The following WASHC2C variants were observed in gnomAD, a reference collection of about 807,000 sequenced individuals.
WASHC2C encodes the protein Vaccinia Penetration Factor.
WASHC2C carries 73 observed loss-of-function variants against 142.2 expected under a neutral mutation model. The ratio of observed to expected loss-of-function variants is 0.51; its 90% CI spans 0.43 to 0.62. WASHC2C has a LOEUF of 0.62. Ranked by LOEUF, WASHC2C falls within the 20% of genes least tolerant of loss-of-function variation. The pLI, the probability that WASHC2C is intolerant of heterozygous loss-of-function variation, is 0.00. For missense variants in WASHC2C, 969 were observed against 1,531.7 expected, an observed-to-expected ratio of 0.63 and a Z score of 6.13; for synonymous variants, 337 against 565.5, an observed-to-expected ratio of 0.60 and a Z score of 5.73.
At chr10:45,734,359 CTGTGTGTGTG>C (rs139735516) in intron 3 of WASHC2C, among the ~76,000 whole-genome samples, 3 of 148,156 alleles carry the variant, frequency 2.0e-5, no homozygotes, top group African/African-American at 7.5e-5. Flanking sequence ...TTCTAGATGA[CTGTGTGTGTG>C]TGTGTGTGTG....
At chr10:45,754,029 A>G (rs2053934901) in intron 13 of WASHC2C, among the ~76,000 whole-genome samples, 1 of 151,752 alleles carries the variant, frequency 6.6e-6, no homozygotes, top group South Asian at 2.1e-4. Flanking sequence ...ATGTTTTGGC[A>G]TCAGTGACTT....
chr10:45,731,736 T>A (rs541754714), intron 3 of WASHC2C, among the ~76,000 whole-genome samples: 15 of 152,146 alleles, frequency 9.9e-5, no homozygotes, highest in African/African-American at 3.4e-4. Context: ...AAACAGCTAA[T>A]GCATAATAAA....
At chr10:45,751,826 A>C (rs1223209052) in intron 11 of WASHC2C, among the ~76,000 whole-genome samples, 1 of 152,000 alleles carries the variant, frequency 6.6e-6, no homozygotes, top group Non-Finnish European at 1.5e-5. Flanking sequence ...AAATACAAAA[A>C]ATTAGCTTGG....
chr10:45,768,371 A>G (rs1290121903), intron 19 of WASHC2C, among the ~76,000 whole-genome samples: 5 of 152,068 alleles, frequency 3.3e-5, no homozygotes, highest in African/African-American at 1.2e-4. Context: ...AGTGGATTTC[A>G]GCGTTTAGTC....
intron 24 of WASHC2C, 50 bp from the exon 25 acceptor site, chr10:45,784,771 T>A: frequency 6.3e-7 from 1 of 1,594,770 alleles, no homozygotes; most frequent in Non-Finnish European, 8.6e-7. Context: ...TAGTTCTCTT[T>A]GTAAATTGTT....
intron 21 of WASHC2C, among the ~76,000 whole-genome samples, chr10:45,773,915 A>G (rs1264462995): frequency 4.8e-5 from 7 of 144,654 alleles, no homozygotes; most frequent in East Asian, 2.0e-4. Flanking sequence ...AAAAAAAAAA[A>G]GCGTAAACAC....
intron 20 of WASHC2C, among the ~76,000 whole-genome samples, chr10:45,771,258 G>A (rs535791314): frequency 2.0e-5 from 3 of 151,046 alleles, no homozygotes; most frequent in Admixed American, 6.6e-5. Context: ...CCAGCTACTC[G>A]GGAGGCTGAG....
chr10:45,757,165 A>C, intron 16 of WASHC2C, 26 bp downstream of exon 16: 1 of 1,610,822 alleles, frequency 6.2e-7, no homozygotes, highest in Non-Finnish European at 8.5e-7. Flanking sequence ...GACTTAACGC[A>C]GGAGCATTGA....
intron 23 of WASHC2C, among the ~76,000 whole-genome samples, chr10:45,784,309 T>TATATAC (rs2057854621): frequency 2.8e-5 from 2 of 70,614 alleles, no homozygotes; most frequent in Non-Finnish European, 5.5e-5. Context: ...TATATATATA[T>TATATAC]ATACACACAC....
chr10:45,780,685 A>G (rs1177782702), intron 23 of WASHC2C, among the ~76,000 whole-genome samples: 3 of 152,176 alleles, frequency 2.0e-5, no homozygotes, highest in Admixed American at 6.6e-5. Context: ...AATATGTGAA[A>G]ACCAATTGTA....
In WASHC2C at chr10:45,754,558, A is replaced by C; in HGVS notation, c.1240+13A>C. 6.3e-7 allele frequency: 1 copy of C among 1,577,806 alleles called. No individual in the cohort carries two copies. The highest frequency in any genetic ancestry group is 1.1e-5 in the South Asian group (1 of 87,586). ...TCTGTATTTTTAGGTAACATAACTT[A>C]GGTTTGTTTTCTAAAAACTACACAA... On this transcript the variant is annotated intron_variant, in intron 14 of 30. Coordinates refer to ENST00000623400, the MANE Select transcript of WASHC2C (RefSeq NM_001330074.2).
At chr10:45,784,258 A>ATG (rs2057768346) in intron 23 of WASHC2C, among the ~76,000 whole-genome samples, 1 of 4,662 alleles carries the variant, frequency 2.1e-4, no homozygotes, top group Non-Finnish European at 5.2e-4. Flanking sequence ...GTGTGTATAT[A>ATG]TATATATATA....
intron 21 of WASHC2C, among the ~76,000 whole-genome samples, chr10:45,775,657 C>T (rs1387938871): frequency 6.6e-6 from 1 of 151,726 alleles, no homozygotes; most frequent in Non-Finnish European, 1.5e-5. Flanking sequence ...CTTTTTGTCT[C>T]CCCTATCAAC....
rs782280778 is a variant in WASHC2C at position 45,738,061 on chromosome 10, C to T, written c.354+16C>T. ...AACAGAGCAGGTACTTGTATAAAATCACTCTTAGCTGAGTTTCTGACTTTG... is the reference window on the plus strand; with the variant it reads ...AACAGAGCAGGTACTTGTATAAAATTACTCTTAGCTGAGTTTCTGACTTTG... On this transcript the variant is annotated intron_variant, in intron 4 of 30. Coordinates refer to ENST00000623400, the MANE Select transcript of WASHC2C (RefSeq NM_001330074.2). The T allele has an allele frequency of 6.2e-7, 1 of 1,611,722 alleles. No individual in the cohort carries two copies. Among genetic ancestry groups the T allele is most frequent in the African/African-American group, 1.3e-5 (1 of 74,782 alleles).
chr10:45,727,944 C>G (rs879085478), intron 2 of WASHC2C, among the ~76,000 whole-genome samples: 21 of 152,354 alleles, frequency 1.4e-4, no homozygotes, highest in Middle Eastern at 6.8e-3. Flanking sequence ...CAGAACTGTT[C>G]GAGTCCCAAA....
intron 29 of WASHC2C, 65 bp from the exon 30 acceptor site, chr10:45,790,291 C>T (rs2058324571): frequency 1.1e-5 from 18 of 1,607,420 alleles, no homozygotes; most frequent in Middle Eastern, 2.3e-4. Context: ...AGCTTGTTGA[C>T]GTGTTTGAGT....
intron 30 of WASHC2C, among the ~76,000 whole-genome samples, 192 bp downstream of exon 30, chr10:45,790,725 A>G (rs2058346479): frequency 6.6e-6 from 1 of 152,186 alleles, no homozygotes; most frequent in African/African-American, 2.4e-5. Flanking sequence ...CTTTCCTATG[A>G]TAGTCATCAA....
At chr10:45,750,901 C>T in intron 10 of WASHC2C, 63 bp downstream of exon 10, 3 of 1,441,084 alleles carry the variant, frequency 2.1e-6, no homozygotes, top group Non-Finnish European at 2.8e-6. Flanking sequence ...CTGCTGGCTT[C>T]ACCAAAGGCG....
intron 5 of WASHC2C, among the ~76,000 whole-genome samples, chr10:45,742,819 A>G (rs2052281478): frequency 6.6e-6 from 1 of 150,692 alleles, no homozygotes; most frequent in Non-Finnish European, 1.5e-5. Flanking sequence ...AATTTTGTTA[A>G]TTAGGCCCTT....
Sources: allele counts gnomAD v4.1 joint callset (sites outside exome capture counted in the v4.1 genomes callset), GRCh38; gene constraint gnomAD v4.1.1; transcripts MANE v1.5; gene names NCBI Gene and HGNC (gene_info 2026-07-23, HGNC 2026-07-21).